The following ST18 variants were observed in gnomAD, a reference collection of about 807,000 sequenced individuals.
ST18 encodes the protein suppression of tumorigenicity 18 protein.
ST18 carries 50 observed loss-of-function variants against 110.0 expected under a neutral mutation model. The observed-to-expected ratio is 0.45, with a 90% CI of 0.36 to 0.58. ST18 has a LOEUF of 0.58. Among genes scored for constraint, ST18 ranks in the 20% least tolerant of loss-of-function variants. The probability of loss-of-function intolerance (pLI) is 0.00; values close to 1 mark genes in which losing one functional copy is unlikely to be tolerated. For missense variants in ST18, 1,306 were observed against 1,280.1 expected (o/e 1.02, Z -0.31); for synonymous variants, 461 against 452.4 (o/e 1.02, Z -0.24).
chr8:52,305,852 T>C (rs142507461), intron 2 of ST18, among the ~76,000 whole-genome samples: 19 of 152,336 alleles, frequency 1.2e-4, no homozygotes, highest in Non-Finnish European at 2.1e-4. Context: ...GACTCCTGGC[T>C]TGCACCATTG....
intron 2 of ST18, among the ~76,000 whole-genome samples, chr8:52,261,485 G>A (rs965702151): frequency 1.1e-4 from 16 of 152,090 alleles, no homozygotes; most frequent in African/African-American, 3.9e-4. Context: ...CATTCTCCTT[G>A]CTTGTTCTAT....
intron 2 of ST18, among the ~76,000 whole-genome samples, chr8:52,355,639 G>A (rs1363227413): frequency 2.6e-5 from 4 of 152,168 alleles, no homozygotes; most frequent in Non-Finnish European, 5.9e-5. Flanking sequence ...ATGAGTGATA[G>A]GTGTGGTAAT....
At chr8:52,185,051 T>C (rs73587556) in intron 8 of ST18, among the ~76,000 whole-genome samples, 2,608 of 152,266 alleles carry the variant, frequency 0.017, 89 homozygotes, top group African/African-American at 0.06. Flanking sequence ...ATGATTATGT[T>C]TGAGGAAAAT....
Position 52,341,486 on chromosome 8 carries a change from T to G in ST18, c.-465+67842A>C, listed in dbSNP as rs1184361454. Among the ~76,000 whole-genome samples, 6 of 152,348 alleles carry G rather than the reference T, an allele frequency of 3.9e-5. No homozygotes were observed. The East Asian group carries it at 1.2e-3, about 29-fold the overall frequency. On this transcript the variant is annotated intron_variant, in intron 2 of 25. Coordinates refer to ENST00000689386, the MANE Select transcript of ST18 (RefSeq NM_001352837.2). ...TAATCCCTGGAAATGAAGACTGCGT[T>G]GCCTTGCATGGCAAAGGGCAATCAA...
intron 19 of ST18, among the ~76,000 whole-genome samples, chr8:52,134,911 G>C (rs1198961010): frequency 6.6e-6 from 1 of 152,084 alleles, no homozygotes; most frequent in Non-Finnish European, 1.5e-5. Flanking sequence ...AAATTTTCTT[G>C]TATGGAAAAA....
intron 8 of ST18, among the ~76,000 whole-genome samples, chr8:52,208,841 A>G (rs2135846734): frequency 6.6e-6 from 1 of 152,206 alleles, no homozygotes; most frequent in East Asian, 1.9e-4. Flanking sequence ...ATAAATAAAT[A>G]AATAGATAAA....
chr8:52,152,060 A>G (rs1258671604), intron 15 of ST18, among the ~76,000 whole-genome samples: 1 of 152,220 alleles, frequency 6.6e-6, no homozygotes, highest in Admixed American at 6.5e-5. Context: ...TTTCGAGTCA[A>G]TTACTCCTAA....
At position 52,118,358 on chromosome 8, in the gene ST18, T is replaced by C. The variant is rs1324134005; in HGVS notation, c.2839A>G (p.Met947Val). ...NESNLKIEAD[M>V]MKLQTQITSM... The stretch of plus-strand genomic sequence containing the variant: ...TTTACCTGGGTCTGAAGTTTCATCA[T>C]ATCTGCTTCAATTTTAAGGTTGGAT... Residue 947 changes from methionine (M) to valine (V), a missense_variant, in exon 24 of 26, where the codon ATG becomes GTG. By Grantham distance (21) the Met-to-Val change is conservative (BLOSUM62 1). Transcript: ENST00000689386. 1.9e-6 allele frequency: 3 copies of C among 1,608,950 alleles called. No individual in the cohort carries two copies. The highest frequency in any genetic ancestry group is 2.2e-5 in the East Asian group (1 of 44,786).
intron 8 of ST18, among the ~76,000 whole-genome samples, chr8:52,209,705 G>A (rs1198562151): frequency 1.4e-5 from 2 of 148,028 alleles, no homozygotes; most frequent in African/African-American, 5.0e-5. Flanking sequence ...AGGAGGCGGA[G>A]GTTGCAGTGA....
At chr8:52,185,288 TAG>T (rs1457662881) in intron 8 of ST18, among the ~76,000 whole-genome samples, 1 of 152,164 alleles carries the variant, frequency 6.6e-6, no homozygotes. Context: ...CCTAAATAAA[TAG>T]AGAGATGCAA....
At chr8:52,330,015 A>G (rs1433403774) in intron 2 of ST18, among the ~76,000 whole-genome samples, 1 of 152,180 alleles carries the variant, frequency 6.6e-6, no homozygotes, top group Non-Finnish European at 1.5e-5. Flanking sequence ...CATGTTTTAT[A>G]AATGACTGAG....
At chr8:52,241,179 T>A (rs1369815282) in intron 2 of ST18, among the ~76,000 whole-genome samples, 3 of 152,212 alleles carry the variant, frequency 2.0e-5, no homozygotes, top group Non-Finnish European at 4.4e-5. Flanking sequence ...GTCACCTGCA[T>A]TGGAATAAGC....
At chr8:52,291,116 T>C (rs1261704895) in intron 2 of ST18, among the ~76,000 whole-genome samples, 1 of 152,212 alleles carries the variant, frequency 6.6e-6, no homozygotes, top group Non-Finnish European at 1.5e-5. Context: ...TATGGAGGAA[T>C]CTCTTTTCCC....
intron 8 of ST18, among the ~76,000 whole-genome samples, chr8:52,184,511 T>C (rs773926796): frequency 3.3e-5 from 5 of 152,196 alleles, no homozygotes; most frequent in Non-Finnish European, 7.4e-5. Flanking sequence ...AATAGTTGAA[T>C]GAAAATTTTT....
At chr8:52,186,507 G>T (rs1051309773) in intron 8 of ST18, among the ~76,000 whole-genome samples, 1 of 152,124 alleles carries the variant, frequency 6.6e-6, no homozygotes, top group African/African-American at 2.4e-5. Context: ...CTGCTCAACA[G>T]TATCTACTAA....
At chr8:52,318,221 C>A (rs534896651) in intron 2 of ST18, among the ~76,000 whole-genome samples, 82 of 152,034 alleles carry the variant, frequency 5.4e-4, no homozygotes, top group African/African-American at 1.9e-3. Flanking sequence ...CAAACAACCC[C>A]GTTAAAAAGT....
At chr8:52,216,771 G>A (rs565580430) in intron 6 of ST18, among the ~76,000 whole-genome samples, 10 of 152,152 alleles carry the variant, frequency 6.6e-5, no homozygotes, top group East Asian at 1.9e-4. Context: ...TTATTCTCAC[G>A]GACCTCAATA....
chr8:52,255,282 C>T (rs910441995), intron 2 of ST18, among the ~76,000 whole-genome samples: 1 of 152,158 alleles, frequency 6.6e-6, no homozygotes, highest in African/African-American at 2.4e-5. Flanking sequence ...GGAATTTTTT[C>T]ATGGGGCTAC....
chr8:52,359,871 T>G (rs1301369769), intron 2 of ST18, among the ~76,000 whole-genome samples: 1 of 152,162 alleles, frequency 6.6e-6, no homozygotes, highest in East Asian at 1.9e-4. Context: ...TTGATAAAAG[T>G]ACACAGTGAA....
Sources: gnomAD v4.1 joint callset for allele counts (sites outside exome capture counted in the v4.1 genomes callset) on GRCh38, gnomAD v4.1.1 for gene constraint, MANE v1.5 for transcripts, NCBI Gene and HGNC (gene_info 2026-07-23, HGNC 2026-07-21) for gene names.